The following TRPM6 variants were observed in gnomAD, a reference collection of about 807,000 sequenced individuals.
The protein encoded by TRPM6 is transient receptor potential cation channel subfamily M member 6.
In TRPM6, 111 loss-of-function variants were observed where a neutral mutation model predicts 247.6. The ratio of observed to expected loss-of-function variants is 0.45; its 90% CI spans 0.38 to 0.52. The LOEUF is 0.52. Ranked by LOEUF, TRPM6 falls within the 20% of genes least tolerant of loss-of-function variation. TRPM6 has a pLI of 0.00. For synonymous variants in TRPM6, 892 were observed against 853.8 expected (o/e 1.04, Z -0.78); for missense variants, 2,126 against 2,421.5 (o/e 0.88, Z 2.56).
chr9:74,870,438 A>C (rs1357230837), intron 1 of TRPM6, among the ~76,000 whole-genome samples: 2 of 152,162 alleles, frequency 1.3e-5, no homozygotes, highest in Non-Finnish European at 2.9e-5. Context: ...AATCATGTCA[A>C]GCTATAATGA....
At chr9:74,774,990 G>T (rs1161167179) in intron 24 of TRPM6, among the ~76,000 whole-genome samples, 3 of 152,284 alleles carry the variant, frequency 2.0e-5, no homozygotes, top group Non-Finnish European at 2.9e-5. Context: ...CCTGCTTCCT[G>T]TATTTCTGGG....
chr9:74,785,172 C>T (rs895217558), intron 21 of TRPM6, among the ~76,000 whole-genome samples: 2 of 151,960 alleles, frequency 1.3e-5, no homozygotes, highest in Admixed American at 6.6e-5. Flanking sequence ...CGATGAAGAA[C>T]CATTAAAAAG....
intron 24 of TRPM6, among the ~76,000 whole-genome samples, chr9:74,775,406 A>G (rs180953096): frequency 2.7e-3 from 407 of 152,258 alleles, no homozygotes; most frequent in African/African-American, 9.4e-3. Context: ...AATCACCTCC[A>G]TGCTCAGTAG....
intron 3 of TRPM6, among the ~76,000 whole-genome samples, chr9:74,846,573 C>T (rs1208174578): frequency 6.6e-6 from 1 of 151,886 alleles, no homozygotes; most frequent in African/African-American, 2.4e-5. Context: ...AACAGAGTCT[C>T]TCTCTCTGTT....
In TRPM6 at chr9:74,807,185, C is replaced by A. The variant is rs959020835; in HGVS notation, c.1638+849G>T. On this transcript the variant is annotated intron_variant, in intron 14 of 38. Coordinates refer to ENST00000360774, the MANE Select transcript of TRPM6 (RefSeq NM_017662.5). ...GTCACTTGATTCTTTATAAAGGATCCCAAGTAGCTTGATATTCTAGGCTGT... is the reference window on the plus strand; with the variant it reads ...GTCACTTGATTCTTTATAAAGGATCACAAGTAGCTTGATATTCTAGGCTGT... 7.2e-5 allele frequency among the ~76,000 whole-genome samples: 11 copies of A among 152,222 alleles called. No individual in the cohort carries two copies. The South Asian group carries it at 2.3e-3, about 32-fold the overall frequency.
At chr9:74,784,026 C>T (rs976145535) in intron 21 of TRPM6, among the ~76,000 whole-genome samples, 3 of 152,022 alleles carry the variant, frequency 2.0e-5, no homozygotes, top group African/African-American at 4.8e-5. Flanking sequence ...GAGGCCGAGG[C>T]GAGCGGATCA....
At chr9:74,765,819 G>A (rs1826809338) in intron 25 of TRPM6, among the ~76,000 whole-genome samples, 1 of 152,138 alleles carries the variant, frequency 6.6e-6, no homozygotes, top group South Asian at 2.1e-4. Context: ...TTTGTAAATA[G>A]AAATTAAAGA....
chr9:74,809,989 A>C (rs185507395), intron 13 of TRPM6, among the ~76,000 whole-genome samples: 3,692 of 150,256 alleles, frequency 0.025, 171 homozygotes, highest in African/African-American at 0.084. Flanking sequence ...AAAAAAAAAA[A>C]AAAAAAAAAA....
At chr9:74,806,236 T>A (rs751104697) in intron 14 of TRPM6, among the ~76,000 whole-genome samples, 16 of 151,890 alleles carry the variant, frequency 1.1e-4, no homozygotes, top group Non-Finnish European at 2.4e-4. Flanking sequence ...CATTAAAAAA[T>A]ACAACTGAGA....
intron 3 of TRPM6, among the ~76,000 whole-genome samples, chr9:74,848,882 G>A (rs927528799): frequency 2.0e-5 from 3 of 152,162 alleles, no homozygotes; most frequent in Non-Finnish European, 4.4e-5. Flanking sequence ...AAGAAATCTA[G>A]ACAGGGCCAG....
chr9:74,769,285 A>G (rs1227651244), intron 25 of TRPM6, among the ~76,000 whole-genome samples: 2 of 152,134 alleles, frequency 1.3e-5, no homozygotes, highest in African/African-American at 4.8e-5. Context: ...AGCTGGGACT[A>G]CAGGCATGTG....
chr9:74,829,192 T>A (rs1829460772), intron 6 of TRPM6, among the ~76,000 whole-genome samples: 1 of 152,042 alleles, frequency 6.6e-6, no homozygotes. Context: ...CTCAGGAGGC[T>A]GAAGCACAAG....
intron 1 of TRPM6, among the ~76,000 whole-genome samples, chr9:74,873,434 T>C (rs893397748): frequency 6.6e-6 from 1 of 152,232 alleles, no homozygotes; most frequent in Non-Finnish European, 1.5e-5. Flanking sequence ...AAAAACAAAA[T>C]GTGCTTTCCT....
intron 18 of TRPM6, among the ~76,000 whole-genome samples, chr9:74,795,303 C>T (rs1202927328): frequency 6.6e-6 from 1 of 152,200 alleles, no homozygotes; most frequent in African/African-American, 2.4e-5. Context: ...ATAGTCAGAT[C>T]ATCTCACTAC....
intron 38 of TRPM6, 130 bp downstream of exon 38, chr9:74,728,109 G>A (rs945234850): frequency 1.3e-6 from 1 of 794,732 alleles, no homozygotes; most frequent in Middle Eastern, 2.4e-4. Context: ...TGCAGTCAGA[G>A]AGTCAGGCTC....
At position 74,788,318 on chromosome 9, in the gene TRPM6, A is replaced by G. The variant is rs77911869; in HGVS notation, c.2667+296T>C. ...TCAAATAGTTGGAGGGTTTAATACA[A>G]TTCTATGGCATCATCTATCCTTTAG... On this transcript the variant is annotated intron_variant, in intron 20 of 38. Transcript: ENST00000360774. Among the ~76,000 whole-genome samples, 3,171 of 152,292 alleles carry G rather than the reference A, an allele frequency of 0.021. 114 individuals carry two copies. The highest frequency in any genetic ancestry group is 0.072 in the African/African-American group (3,007 of 41,546).
At chr9:74,860,499 TA>T (rs1439491185) in intron 1 of TRPM6, among the ~76,000 whole-genome samples, 2 of 152,044 alleles carry the variant, frequency 1.3e-5, no homozygotes, top group African/African-American at 4.8e-5. Context: ...GGTGGGATGA[TA>T]GGCATGCACC....
rs1228991016 is a variant in TRPM6 at position 74,796,825 on chromosome 9, T to C, written c.2307A>G (p.Ser769=). The C allele has an allele frequency of 1.2e-6, 2 of 1,613,896 alleles. No homozygotes were observed. The highest frequency in any genetic ancestry group is 1.1e-5 in the South Asian group (1 of 91,080). Reference sequence around the variant, plus strand: ...GGAAGTCCTGGGACTGGGGAACATGTGACATCTCAGCTTTGCTTTTAAATT... The same window carrying C: ...GGAAGTCCTGGGACTGGGGAACATGCGACATCTCAGCTTTGCTTTTAAATT... ...TLEFKSKAEM[S]HVPQSQDFQF... The change falls in exon 18 of 39, where the codon TCA becomes TCG. Residue 769 remains serine, a synonymous_variant. Transcript: ENST00000360774.
chr9:74,764,981 T>C (rs1826779497), intron 25 of TRPM6, among the ~76,000 whole-genome samples: 1 of 152,180 alleles, frequency 6.6e-6, no homozygotes, highest in South Asian at 2.1e-4. Flanking sequence ...TGAGTTCATC[T>C]ATATCATAAC....
Sources: allele counts gnomAD v4.1 joint callset (sites outside exome capture counted in the v4.1 genomes callset), GRCh38; gene constraint gnomAD v4.1.1; transcripts MANE v1.5; gene names NCBI Gene and HGNC (gene_info 2026-07-23, HGNC 2026-07-21).